SLC25A48: variants seen among roughly 807,000 people sequenced by gnomAD.
The protein encoded by SLC25A48 is solute carrier family 25 member 48.
A neutral mutation model predicts 32.2 loss-of-function variants in SLC25A48; 29 were observed. The observed-to-expected ratio is 0.90, with a 90% CI of 0.67 to 1.23. The LOEUF is 1.23. SLC25A48 is among the 50% of genes most tolerant of loss of function. The pLI is 0.00. For synonymous variants in SLC25A48, 164 were observed against 172.3 expected (o/e 0.95, Z 0.38); for missense variants, 399 against 422.7 (o/e 0.94, Z 0.49).
chr5:135,758,850 T>C (rs1389516790), intron 3 of SLC25A48, among the ~76,000 whole-genome samples: 2 of 150,750 alleles, frequency 1.3e-5, no homozygotes, highest in African/African-American at 4.8e-5. Context: ...TTATCTATGC[T>C]ATAAATAATA....
In SLC25A48 at chr5:135,871,576, G is replaced by A; in HGVS notation, c.537G>A (p.Arg179=). Residue 179 remains arginine, a synonymous_variant, in exon 5 of 8, where the codon CGG becomes CGA. Coordinates refer to ENST00000681962, the MANE Select transcript of SLC25A48 (RefSeq NM_001349336.2). ...ATGAGGGCCTGGCGGGGCTATACCG[G>A]GGGGCCAGTGCCATGCTGCTGAGGG... ...VRNEGLAGLY[R]GASAMLLRDV... is the part of the protein sequence containing the mutation. 5 of 1,614,202 alleles carry A rather than the reference G, an allele frequency of 3.1e-6. No homozygotes were observed. The highest frequency in any genetic ancestry group is 1.7e-6 in the Non-Finnish European group (2 of 1,180,026).
exon 4 of SLC25A48, chr5:135,812,663 T>A (rs1440476636): frequency 6.6e-6 from 1 of 152,338 alleles, no homozygotes. Context: ...CTCCCTAACA[T>A]CCAGTTCCAA....
intron 3 of SLC25A48, among the ~76,000 whole-genome samples, chr5:135,725,091 C>G (rs1345343016): frequency 6.6e-6 from 1 of 152,236 alleles, no homozygotes. Context: ...GATGACCATA[C>G]CTTTCCTGGG....
In SLC25A48 at chr5:135,788,424, C is replaced by T. The variant is rs115066586; in HGVS notation, c.-520-24099C>T. Among the ~76,000 whole-genome samples the T allele has an allele frequency of 5.7e-3, 817 of 143,602 alleles. 7 individuals are homozygous for T. The highest frequency in any genetic ancestry group is 0.02 in the African/African-American group (764 of 37,914). The allele number at this position is 143,602 out of a possible 152,430, so 94.2% of individuals were successfully genotyped here. On this transcript the variant is annotated intron_variant, in intron 3 of 10. Transcript: ENST00000646290. ...GAGGGTGATATTACTCCCCATGTGG[C>T]GGCGGGTGTACCCCCTCCCGCCATA...
intron 3 of SLC25A48, among the ~76,000 whole-genome samples, chr5:135,797,060 T>C (rs926873853): frequency 5.3e-5 from 8 of 151,772 alleles, no homozygotes; most frequent in Non-Finnish European, 1.2e-4. Context: ...GGGGTCTACA[T>C]CCCTTCTGTG....
chr5:135,850,567 C>T, intron 3 of SLC25A48, 71 bp downstream of exon 3: 1 of 1,463,070 alleles, frequency 6.8e-7, no homozygotes. Flanking sequence ...GGGCCACAGC[C>T]CCACACCAGC....
intron 3 of SLC25A48, among the ~76,000 whole-genome samples, chr5:135,801,824 T>A (rs544199918): frequency 6.6e-6 from 1 of 151,834 alleles, no homozygotes; most frequent in South Asian, 2.1e-4. Context: ...AGGGTGTACA[T>A]TCCTCTATCA....
In SLC25A48 at chr5:135,732,221, G is replaced by A. The variant is rs76996069; in HGVS notation, c.-520-80302G>A. 9.8e-3 allele frequency among the ~76,000 whole-genome samples: 1,487 copies of A among 152,312 alleles called. 16 individuals carry two copies. The highest frequency in any genetic ancestry group is 0.034 in the African/African-American group (1,398 of 41,548). Reference sequence around the variant, plus strand: ...CTTTCCTGAAGATTGAGGACCGTAAGGGGTGTGAAGGTTTCACTGAATACC... The same window carrying A: ...CTTTCCTGAAGATTGAGGACCGTAAAGGGTGTGAAGGTTTCACTGAATACC... On this transcript the variant is annotated intron_variant, in intron 3 of 10. Coordinates refer to the SLC25A48 transcript ENST00000646290.
chr5:135,858,602 C>T (rs1760527311), intron 4 of SLC25A48, among the ~76,000 whole-genome samples: 1 of 152,178 alleles, frequency 6.6e-6, no homozygotes, highest in African/African-American at 2.4e-5. Flanking sequence ...GTTTCATACC[C>T]CCAGGTCCCT....
intron 3 of SLC25A48, among the ~76,000 whole-genome samples, chr5:135,700,679 A>G (rs1337283984): frequency 6.6e-6 from 1 of 152,142 alleles, no homozygotes; most frequent in Non-Finnish European, 1.5e-5. Flanking sequence ...ACTGTTCTCA[A>G]TGGTGCAGGC....
At chr5:135,785,441 G>A (rs62364664) in intron 3 of SLC25A48, among the ~76,000 whole-genome samples, 26,933 of 151,600 alleles carry the variant, frequency 0.18, 2,622 homozygotes, top group Non-Finnish European at 0.22. Flanking sequence ...TGCGGCGGGA[G>A]GTGGAACACC....
chr5:135,843,483 G>T (rs528553524), intron 2 of SLC25A48, among the ~76,000 whole-genome samples: 12 of 152,312 alleles, frequency 7.9e-5, no homozygotes, highest in African/African-American at 2.9e-4. Flanking sequence ...TTAGGACACT[G>T]ATGGACAATA....
At chr5:135,874,826 C>G in intron 6 of SLC25A48, 1 of 558,130 alleles carries the variant, frequency 1.8e-6, no homozygotes, top group Non-Finnish European at 3.2e-6. Context: ...GATTCATCAC[C>G]CTCCGCAGGA....
intron 3 of SLC25A48, among the ~76,000 whole-genome samples, chr5:135,791,730 C>G (rs1757035660): frequency 6.6e-6 from 1 of 151,280 alleles, no homozygotes; most frequent in African/African-American, 2.4e-5. Context: ...TTGGTAACAT[C>G]CTAGGGTGAT....
At chr5:135,774,746 A>G (rs1756503675) in intron 3 of SLC25A48, among the ~76,000 whole-genome samples, 1 of 150,382 alleles carries the variant, frequency 6.6e-6, no homozygotes, top group Non-Finnish European at 1.5e-5. Context: ...GGGAGTGTAC[A>G]CCCCCCCCGT....
chr5:135,879,826 T>C, intron 6 of SLC25A48, 142 bp from the exon 7 acceptor site: 1 of 1,196,898 alleles, frequency 8.4e-7, no homozygotes, highest in Non-Finnish European at 1.1e-6. Flanking sequence ...CCCTGTGTGG[T>C]CTCTGCCTGC....
chr5:135,604,584 T>C (rs1215371513), intron 1 of SLC25A48, among the ~76,000 whole-genome samples: 1 of 152,214 alleles, frequency 6.6e-6, no homozygotes, highest in African/African-American at 2.4e-5. Context: ...TCTGTTTCAG[T>C]GGGTCCCACC....
chr5:135,820,857 G>A (rs1757865575), intron 4 of SLC25A48, among the ~76,000 whole-genome samples: 1 of 152,184 alleles, frequency 6.6e-6, no homozygotes, highest in Non-Finnish European at 1.5e-5. Context: ...AGTAGATGGG[G>A]ACCAGGGTCT....
At chr5:135,721,898 A>G (rs1754964300) in intron 3 of SLC25A48, among the ~76,000 whole-genome samples, 1 of 152,340 alleles carries the variant, frequency 6.6e-6, no homozygotes, top group Middle Eastern at 3.4e-3. Context: ...TCTTTATTAT[A>G]AGATGTGCTT....
Sources: allele counts gnomAD v4.1 joint callset (sites outside exome capture counted in the v4.1 genomes callset), GRCh38; gene constraint gnomAD v4.1.1; transcripts MANE v1.5; gene names NCBI Gene and HGNC (gene_info 2026-07-23, HGNC 2026-07-21).